Variants in HAUS6 observed in about 807,000 individuals in gnomAD.
The protein encoded by HAUS6 is HAUS augmin-like complex subunit 6.
In HAUS6, 80 loss-of-function variants were observed where a neutral mutation model predicts 106.8. The observed-to-expected ratio is 0.75, with a 90% CI of 0.63 to 0.90. The LOEUF is 0.90. Among genes scored for constraint, HAUS6 ranks in the 40% least tolerant of loss-of-function variants. The pLI is 0.00. For synonymous variants in HAUS6, 356 were observed against 379.1 expected, an observed-to-expected ratio of 0.94 and a Z score of 0.71; for missense variants, 1,155 against 1,118.1, an observed-to-expected ratio of 1.03 and a Z score of -0.47.
intron 5 of HAUS6, among the ~76,000 whole-genome samples, chr9:19,088,317 G>A (rs1195911425): frequency 6.6e-6 from 1 of 151,930 alleles, no homozygotes; most frequent in African/African-American, 2.4e-5. Context: ...TCGGGAGGCT[G>A]AGGCAGGAGA....
intron 1 of HAUS6, among the ~76,000 whole-genome samples, chr9:19,097,799 G>C (rs1460104825): frequency 6.8e-6 from 1 of 146,562 alleles, no homozygotes; most frequent in Non-Finnish European, 1.5e-5. Flanking sequence ...AAAAATGAAA[G>C]AACACTAAAC....
At chr9:19,062,291 G>A (rs1366577486) in intron 14 of HAUS6, among the ~76,000 whole-genome samples, 3 of 152,156 alleles carry the variant, frequency 2.0e-5, no homozygotes, top group Non-Finnish European at 2.9e-5. Flanking sequence ...TGATATTGCA[G>A]TGTGTTCTAA....
At chr9:19,096,168 G>GA (rs767928240) in intron 2 of HAUS6, among the ~76,000 whole-genome samples, 5 of 151,942 alleles carry the variant, frequency 3.3e-5, no homozygotes, top group East Asian at 1.9e-4. Context: ...ATGTACCAAA[G>GA]AAAAAAATCA....
chr9:19,076,086 T>G (rs1836996692), intron 11 of HAUS6, among the ~76,000 whole-genome samples: 1 of 146,290 alleles, frequency 6.8e-6, no homozygotes, highest in Non-Finnish European at 1.5e-5. Context: ...GGGGCTGGGC[T>G]CAGTGGCTCA....
chr9:19,078,240 C>A lies in HAUS6; in HGVS notation c.1127G>T (p.Trp376Leu). ...AAGAAATTCTTTCCACTTTTTATGC[C>A]ATTCTCCTTGCTTTTCAACAACAGA... ...RHSVVEKQGE[W>L]HKKWKEFLGL... is the part of the protein sequence containing the mutation. The change falls in exon 10 of 17, where the codon TGG becomes TTG. Residue 376 changes from tryptophan to leucine, a missense_variant. Coordinates refer to ENST00000380502, the MANE Select transcript of HAUS6 (RefSeq NM_017645.5). 1.3e-6 allele frequency: 2 copies of A among 1,565,648 alleles called. No individual in the cohort carries two copies. The highest frequency in any genetic ancestry group is 1.8e-6 in the Non-Finnish European group (2 of 1,137,570).
At chr9:19,090,655 G>A (rs1032032900) in intron 4 of HAUS6, among the ~76,000 whole-genome samples, 3 of 152,106 alleles carry the variant, frequency 2.0e-5, no homozygotes, top group Non-Finnish European at 2.9e-5. Context: ...GAGCCACCTC[G>A]CCCAGCCATA....
At chr9:19,096,538 C>G in intron 2 of HAUS6, 136 bp downstream of exon 2, 1 of 530,076 alleles carries the variant, frequency 1.9e-6, no homozygotes, top group Non-Finnish European at 3.2e-6. Context: ...GCACTCCAGC[C>G]TCGATGACGG....
intron 8 of HAUS6, among the ~76,000 whole-genome samples, chr9:19,081,434 A>T (rs1821715497): frequency 6.6e-6 from 1 of 151,768 alleles, no homozygotes; most frequent in South Asian, 2.1e-4. Flanking sequence ...CCAATTTTTT[A>T]ATTTTAATTT....
At chr9:19,098,812 C>T (rs1817919869) in intron 1 of HAUS6, among the ~76,000 whole-genome samples, 1 of 152,022 alleles carries the variant, frequency 6.6e-6, no homozygotes, top group Non-Finnish European at 1.5e-5. Flanking sequence ...CACCTGAGGT[C>T]GGGAGTTCGA....
chr9:19,075,922 G>A (rs1280442816), intron 11 of HAUS6, among the ~76,000 whole-genome samples: 1 of 150,494 alleles, frequency 6.6e-6, no homozygotes, highest in Non-Finnish European at 1.5e-5. Context: ...TTGCGCCACT[G>A]CACTCCAGCC....
Position 19,053,564 on chromosome 9 carries a change from T to G in HAUS6, c.*2779A>C, listed in dbSNP as rs886519427. 6.6e-6 allele frequency: 1 copy of G among 152,252 alleles called. No homozygotes were observed. Among genetic ancestry groups the G allele is most frequent in the African/African-American group, 2.4e-5 (1 of 41,480 alleles). The allele number at this position is 152,252 out of a possible 1,614,324, so 9.4% of individuals were successfully genotyped here. ...TTATTCCACTTGATGACATTTTTCA[T>G]GTTTAGCAACATTACATGGTTGTCC... On this transcript the variant is annotated 3_prime_UTR_variant, in exon 17 of 17. Transcript: ENST00000380502.
At chr9:19,068,486 A>G (rs1836814771) in intron 12 of HAUS6, among the ~76,000 whole-genome samples, 1 of 152,230 alleles carries the variant, frequency 6.6e-6, no homozygotes, top group Admixed American at 6.5e-5. Context: ...CTGCCTGTGA[A>G]CTAGATTACT....
chr9:19,096,589 A>AT, intron 2 of HAUS6, 85 bp downstream of exon 2: 1 of 500,044 alleles, frequency 2.0e-6, no homozygotes. Context: ...AAAAAAAAAA[A>AT]GGAGAGAATT....
intron 12 of HAUS6, among the ~76,000 whole-genome samples, chr9:19,068,483 T>C (rs1288844509): frequency 1.3e-5 from 2 of 152,224 alleles, no homozygotes; most frequent in African/African-American, 4.8e-5. Context: ...TGACTGCCTG[T>C]GAACTAGATT....
In HAUS6 at chr9:19,054,678, T is replaced by C. The variant is rs1156475214; in HGVS notation, c.*1665A>G. On this transcript the variant is annotated 3_prime_UTR_variant, in exon 17 of 17. Transcript: ENST00000380502. ...AGTTACCAATCTCTACCCAAGTATATATGCAACAACGTACCTGCTTCTTAA... is the reference window on the plus strand; with the variant it reads ...AGTTACCAATCTCTACCCAAGTATACATGCAACAACGTACCTGCTTCTTAA... 6.6e-6 allele frequency: 1 copy of C among 152,238 alleles called. No homozygotes were observed. The highest frequency in any genetic ancestry group is 2.1e-4 in the South Asian group (1 of 4,836). The allele number at this position is 152,238 out of a possible 1,614,324, so 9.4% of individuals were successfully genotyped here.
Position 19,080,551 on chromosome 9 carries a change from G to A in HAUS6, c.992C>T (p.Thr331Met), listed in dbSNP as rs149772323. ...TTTTTCAAGGTAGTGAAGGTCTACC[G>A]TCAATCTTGCTTGATCAGCCTGACA... ...ERCQADQARL[T>M]VDLHYLEKET... Residue 331 changes from threonine (T) to methionine (M), a missense_variant, in exon 9 of 17, where the codon ACG becomes ATG. Physicochemically the swap from Thr to Met is moderately conservative, Grantham distance 81. Around this residue, in one of 3 missense-constraint regions of HAUS6, gnomAD observed 761 missense variants for 690.0 expected, o/e 1.10. Transcript: ENST00000380502. 3.2e-5 allele frequency: 52 copies of A among 1,606,166 alleles called. No homozygotes were observed. The highest frequency in any genetic ancestry group is 4.1e-4 in the Middle Eastern group (2 of 4,854).
At chr9:19,057,614 G>C in intron 16 of HAUS6, 1 of 291,240 alleles carries the variant, frequency 3.4e-6, no homozygotes, top group Non-Finnish European at 6.3e-6. Flanking sequence ...CACCATTATA[G>C]TGATGATATT....
chr9:19,066,509 G>T (rs1836762574), intron 12 of HAUS6, among the ~76,000 whole-genome samples: 1 of 152,050 alleles, frequency 6.6e-6, no homozygotes, highest in Non-Finnish European at 1.5e-5. Flanking sequence ...TGTGGTATAG[G>T]AGAAAACATA....
chr9:19,058,907 T>C lies in HAUS6; in HGVS notation c.1860A>G (p.Val620=), dbSNP rs1836544060. 1 of 1,583,018 alleles carries C rather than the reference T, an allele frequency of 6.3e-7. No homozygotes were observed. Among genetic ancestry groups the C allele is most frequent in the East Asian group, 2.2e-5 (1 of 44,748 alleles). The stretch of plus-strand genomic sequence containing the variant: ...GCAACACAGGTAATGATTCTGGCAA[T>C]ACTTCTCTATGTTCAGCATCCATTT... ...PIQMDAEHRE[V]LPESLPVLHN... Residue 620 remains valine, a synonymous_variant, in exon 16 of 17, where the codon GTA becomes GTG. Transcript: ENST00000380502.
Sources: allele counts gnomAD v4.1 joint callset (sites outside exome capture counted in the v4.1 genomes callset), GRCh38; gene constraint gnomAD v4.1.1; regional missense constraint gnomAD v4.1.1; transcripts MANE v1.5; gene names NCBI Gene and HGNC (gene_info 2026-07-23, HGNC 2026-07-21).